Variants in ABCC4 observed in about 807,000 individuals in gnomAD.
ABCC4 encodes the protein ATP binding cassette subfamily C member 4 (PEL blood group).
A neutral mutation model predicts 168.5 loss-of-function variants in ABCC4; 102 were observed. The ratio of observed to expected loss-of-function variants is 0.61; its 90% CI spans 0.52 to 0.71. The LOEUF (loss-of-function observed/expected upper bound fraction) is 0.71. ABCC4 is among the 30% of genes least tolerant of loss of function. ABCC4 has a pLI of 0.00. For synonymous variants in ABCC4, 617 were observed against 590.7 expected, an observed-to-expected ratio of 1.04 and a Z score of -0.65; for missense variants, 1,402 against 1,605.8, an observed-to-expected ratio of 0.87 and a Z score of 2.17.
At chr13:95,294,356 C>T (rs951115998) in intron 1 of ABCC4, among the ~76,000 whole-genome samples, 1 of 151,348 alleles carries the variant, frequency 6.6e-6, no homozygotes. Flanking sequence ...GAGATAGACT[C>T]CGTCTCAAAA....
At position 95,030,802 on chromosome 13, in the gene ABCC4, A is replaced by ATAGC. The variant is rs2031846948; in HGVS notation, c.3870+3802_3870+3803insGCTA. ...TGGGTTAAGCCAGCTAGTCTGTGCT[A>ATAGC]CTTTGCTATGGCAGCCTGAGCAAAC... On this transcript the variant is annotated intron_variant, in intron 30 of 30. Coordinates refer to ENST00000645237, the MANE Select transcript of ABCC4 (RefSeq NM_005845.5). 3.3e-5 allele frequency among the ~76,000 whole-genome samples: 5 copies of ATAGC among 152,348 alleles called. No homozygotes were observed. In the South Asian group the frequency reaches 1.0e-3, roughly 32 times the overall value.
chr13:95,281,629 G>C (rs1294245511), intron 1 of ABCC4, among the ~76,000 whole-genome samples: 1 of 152,140 alleles, frequency 6.6e-6, no homozygotes, highest in African/African-American at 2.4e-5. Flanking sequence ...AAAAGAGGGA[G>C]TAGTTCTATA....
At chr13:95,148,115 T>G (rs1460954674) in intron 19 of ABCC4, among the ~76,000 whole-genome samples, 1 of 152,200 alleles carries the variant, frequency 6.6e-6, no homozygotes, top group African/African-American at 2.4e-5. Context: ...ATTTGTACAT[T>G]TTTTAAGACT....
chr13:95,299,689 C>T (rs1190569748), intron 1 of ABCC4, among the ~76,000 whole-genome samples: 1 of 152,074 alleles, frequency 6.6e-6, no homozygotes, highest in Non-Finnish European at 1.5e-5. Flanking sequence ...GAGACCCCCA[C>T]CCTAGGTTGT....
intron 1 of ABCC4, among the ~76,000 whole-genome samples, chr13:95,253,902 CT>C (rs556791330): frequency 6.6e-6 from 1 of 151,764 alleles, no homozygotes; most frequent in African/African-American, 2.4e-5. Flanking sequence ...GGATTTTTCT[CT>C]TTTTTTTGAG....
chr13:95,087,848 T>C (rs1288599213), intron 20 of ABCC4, among the ~76,000 whole-genome samples: 1 of 152,176 alleles, frequency 6.6e-6, no homozygotes, highest in African/African-American at 2.4e-5. Flanking sequence ...GATCTCTACT[T>C]TACATCTGTT....
chr13:95,257,986 G>A (rs930112364), intron 1 of ABCC4, among the ~76,000 whole-genome samples: 2 of 152,164 alleles, frequency 1.3e-5, no homozygotes, highest in African/African-American at 4.8e-5. Flanking sequence ...CCTCACTTAT[G>A]TGAGCCCACA....
chr13:95,296,595 T>C (rs901656898), intron 1 of ABCC4, among the ~76,000 whole-genome samples: 1 of 152,090 alleles, frequency 6.6e-6, no homozygotes, highest in Non-Finnish European at 1.5e-5. Context: ...ATTTAACCAC[T>C]TTCTGTGGGC....
rs191818470 is a variant in ABCC4, at chr13:95,194,084, A to G, written c.1263+752T>C. The stretch of plus-strand genomic sequence containing the variant: ...GGGAGCCCACTGCTTCCTTGGAAGC[A>G]TGAGGAGGGCACTGGAGTTGTGGAT... On this transcript the variant is annotated intron_variant, in intron 9 of 30. Coordinates refer to ENST00000645237, the MANE Select transcript of ABCC4 (RefSeq NM_005845.5). 3.0e-3 allele frequency among the ~76,000 whole-genome samples: 457 copies of G among 152,322 alleles called. 5 individuals carry two copies. The highest frequency in any genetic ancestry group is 0.011 in the African/African-American group (439 of 41,574).
intron 14 of ABCC4, chr13:95,170,089 G>A (rs12876311): frequency 0.023 from 3,469 of 153,930 alleles, 75 homozygotes; most frequent in Non-Finnish European, 0.03. Flanking sequence ...AACTCCTGAC[G>A]TCAGGTGATC....
In ABCC4 at chr13:95,163,556, G is replaced by A. The variant is rs11568648; in HGVS notation, c.2213+54C>T. On this transcript the variant is annotated intron_variant, in intron 17 of 30. Transcript: ENST00000645237. Reference sequence around the variant, plus strand: ...CCTCCCTCTAACTCTATGGAAAAGCGAGTCTTCTTACTGATTTTGGAGTAT... The same window carrying A: ...CCTCCCTCTAACTCTATGGAAAAGCAAGTCTTCTTACTGATTTTGGAGTAT... 559 of 1,469,240 alleles carry A rather than the reference G, an allele frequency of 3.8e-4. 2 individuals are homozygous for A. The African/African-American group carries it at 7.1e-3, about 19-fold the overall frequency. 91.0% of individuals were successfully genotyped at this position (1,469,240 alleles called of 1,614,324 possible).
chr13:95,157,942 G>T (rs1035396248), intron 19 of ABCC4, among the ~76,000 whole-genome samples: 1 of 151,950 alleles, frequency 6.6e-6, no homozygotes, highest in South Asian at 2.1e-4. Context: ...CGTGGTGGTG[G>T]GTGCCTGTGG....
rs559386085 is a variant in ABCC4 at position 95,272,626 on chromosome 13, G to A, written c.75-24873C>T. Among the ~76,000 whole-genome samples, 44 of 152,198 alleles carry A rather than the reference G, an allele frequency of 2.9e-4. 1 individual carries two copies. In the East Asian group the frequency reaches 5.4e-3, roughly 19 times the overall value. ...TGTGGGGCCGGGCACGGTGGCTCAC[G>A]CCTGTAATCCCAGCACTTTGGGAGG... On this transcript the variant is annotated intron_variant, in intron 1 of 30. Transcript: ENST00000645237.
At chr13:95,289,904 C>T (rs1594450347) in intron 1 of ABCC4, among the ~76,000 whole-genome samples, 2 of 151,860 alleles carry the variant, frequency 1.3e-5, no homozygotes, top group South Asian at 2.1e-4. Flanking sequence ...CGAGACCAGC[C>T]TGGCCAACAT....
intron 19 of ABCC4, among the ~76,000 whole-genome samples, chr13:95,131,204 C>T (rs868175033): frequency 1.3e-5 from 2 of 152,066 alleles, no homozygotes; most frequent in South Asian, 4.1e-4. Flanking sequence ...AATCTAAACA[C>T]AGTTTGTGTT....
intron 4 of ABCC4, among the ~76,000 whole-genome samples, chr13:95,227,724 T>C (rs2039504268): frequency 6.6e-6 from 1 of 152,228 alleles, no homozygotes; most frequent in African/African-American, 2.4e-5. Flanking sequence ...ATTTCTTTTT[T>C]TTAAAGAAGA....
intron 4 of ABCC4, among the ~76,000 whole-genome samples, chr13:95,212,858 T>C (rs1008200303): frequency 6.6e-6 from 1 of 152,166 alleles, no homozygotes; most frequent in South Asian, 2.1e-4. Flanking sequence ...CCAGGTGCGG[T>C]GGCTCACACC....
At chr13:95,225,625 G>A (rs1029666975) in intron 4 of ABCC4, among the ~76,000 whole-genome samples, 6 of 152,238 alleles carry the variant, frequency 3.9e-5, no homozygotes, top group Admixed American at 1.3e-4. Flanking sequence ...AGCCAAGATC[G>A]TGCCACTGCA....
At chr13:95,133,399 C>G (rs762591877) in intron 19 of ABCC4, among the ~76,000 whole-genome samples, 6 of 152,064 alleles carry the variant, frequency 3.9e-5, no homozygotes, top group Non-Finnish European at 7.4e-5. Flanking sequence ...CAGGTATGAG[C>G]CACCACACCC....
Sources: allele counts gnomAD v4.1 joint callset (sites outside exome capture counted in the v4.1 genomes callset), GRCh38; gene constraint gnomAD v4.1.1; transcripts MANE v1.5; gene names NCBI Gene and HGNC (gene_info 2026-07-23, HGNC 2026-07-21).